CDK15: variants seen among roughly 807,000 people sequenced by gnomAD.
CDK15 encodes the protein cyclin-dependent kinase 15.
Under a neutral mutation model 60.3 loss-of-function variants are expected in CDK15, and 62 were observed. That is an observed-to-expected ratio of 1.03 (90% CI 0.84 to 1.27). The LOEUF (loss-of-function observed/expected upper bound fraction) is 1.27, where lower values mean the gene tolerates loss of function less well. Among genes scored for constraint, CDK15 ranks in the 50% most tolerant of loss-of-function variants. The pLI is 0.00. For missense variants in CDK15, 541 were observed against 527.8 expected (o/e 1.03, Z -0.25); for synonymous variants, 194 against 195.7 (o/e 0.99, Z 0.07).
intron 10 of CDK15, among the ~76,000 whole-genome samples, chr2:201,859,956 G>A (rs896284384): frequency 1.3e-5 from 2 of 152,146 alleles, no homozygotes; most frequent in Non-Finnish European, 2.9e-5. Flanking sequence ...TCCTCTGGAG[G>A]TTGTCCAGTC....
At chr2:201,828,987 G>T (rs765393179) in intron 6 of CDK15, among the ~76,000 whole-genome samples, 3 of 152,250 alleles carry the variant, frequency 2.0e-5, no homozygotes, top group Middle Eastern at 6.8e-3. Context: ...ACATCACTTT[G>T]GAGATTCTAA....
At chr2:201,850,083 A>G (rs1378930694) in intron 9 of CDK15, among the ~76,000 whole-genome samples, 3 of 152,192 alleles carry the variant, frequency 2.0e-5, no homozygotes, top group African/African-American at 7.2e-5. Flanking sequence ...TTGGCCTCCC[A>G]AAGTGGTGGG....
chr2:201,890,863 A>G lies in CDK15; in HGVS notation c.1277A>G (p.His426Arg). ...CDLLASYQKG[H>R]HPAQFSKCW ...CTTTTGGCCTCCTACCAGAAAGGTC[A>G]CCACCCAGCCCAGTTTAGCAAATGC... Residue 426 changes from histidine (H) to arginine (R), a missense_variant, in exon 13 of 14, where the codon CAC becomes CGC. Transcript: ENST00000652192. The G allele has an allele frequency of 1.2e-6, 2 of 1,613,816 alleles. No homozygotes were observed. The highest frequency in any genetic ancestry group is 1.7e-6 in the Non-Finnish European group (2 of 1,179,822).
chr2:201,851,450 C>T (rs1697905307), intron 9 of CDK15, among the ~76,000 whole-genome samples: 2 of 152,068 alleles, frequency 1.3e-5, no homozygotes, highest in South Asian at 2.1e-4. Context: ...AGGGCAAATG[C>T]TGTGTCCTTA....
chr2:201,807,393 T>A (rs1323038425), intron 1 of CDK15, 101 bp from the exon 2 acceptor site: 2 of 1,263,802 alleles, frequency 1.6e-6, no homozygotes, highest in African/African-American at 1.5e-5. Flanking sequence ...TAGAAAACAT[T>A]TGAAGAGTGA....
At chr2:201,871,884 C>A (rs943417481) in intron 10 of CDK15, among the ~76,000 whole-genome samples, 3 of 151,994 alleles carry the variant, frequency 2.0e-5, no homozygotes, top group Admixed American at 6.6e-5. Context: ...CTTCGCCTCA[C>A]CTTCTCTGAC....
At chr2:201,816,555 G>A (rs1193960166) in intron 4 of CDK15, among the ~76,000 whole-genome samples, 5 of 146,452 alleles carry the variant, frequency 3.4e-5, no homozygotes, top group Non-Finnish European at 7.4e-5. Context: ...CACCTAGGTT[G>A]AGTCCATGTC....
At position 201,850,350 on chromosome 2, in the gene CDK15, G is replaced by A. The variant is rs190126860; in HGVS notation, c.945+2876G>A. 2.4e-3 allele frequency among the ~76,000 whole-genome samples: 361 copies of A among 152,132 alleles called. 1 individual carries two copies. Among genetic ancestry groups the A allele is most frequent in the Non-Finnish European group, 3.9e-3 (264 of 67,998 alleles). On this transcript the variant is annotated intron_variant, in intron 9 of 13. Coordinates refer to ENST00000652192, the MANE Select transcript of CDK15 (RefSeq NM_001366386.2). Reference sequence around the variant, plus strand: ...ACAATTTAAAAAGCAATCATTTTACGGTTCTTTAGTGTTCAGTTAGCACAG... The same window carrying A: ...ACAATTTAAAAAGCAATCATTTTACAGTTCTTTAGTGTTCAGTTAGCACAG...
rs116154564 is a variant in CDK15 at position 201,847,478 on chromosome 2, G to A, written c.945+4G>A. On this transcript the variant is annotated splice_donor_region_variant and intron_variant, in intron 9 of 13. Transcript: ENST00000652192. The stretch of plus-strand genomic sequence containing the variant: ...ACAGCTGGAGAAAATCTGGGAGGTA[G>A]GAGAATAATTCTTCTAAAGAAAATG... 944 of 1,611,948 alleles carry A rather than the reference G, an allele frequency of 5.9e-4. 10 individuals carry two copies. In the African/African-American group the frequency reaches 0.012, roughly 20 times the overall value.
intron 4 of CDK15, among the ~76,000 whole-genome samples, chr2:201,812,819 G>C (rs1695832189): frequency 6.6e-6 from 1 of 152,178 alleles, no homozygotes; most frequent in Admixed American, 6.5e-5. Flanking sequence ...TACTTTCCAT[G>C]TGTTTGGCCT....
intron 12 of CDK15, among the ~76,000 whole-genome samples, chr2:201,887,354 A>AG (rs1420644382): frequency 6.6e-6 from 1 of 152,210 alleles, no homozygotes; most frequent in Non-Finnish European, 1.5e-5. Flanking sequence ...ATTCTAGTTT[A>AG]GGGGGGTTGT....
At chr2:201,858,941 C>G (rs1427345095) in intron 10 of CDK15, among the ~76,000 whole-genome samples, 3 of 152,190 alleles carry the variant, frequency 2.0e-5, no homozygotes, top group Non-Finnish European at 4.4e-5. Flanking sequence ...ACTCACCCTC[C>G]TCCGGCAGCA....
rs544275406 is a variant in CDK15 at position 201,808,070 on chromosome 2, C to G, written c.368+118C>G. 5.4e-6 allele frequency: 4 copies of G among 746,294 alleles called. No homozygotes were observed. The South Asian group carries it at 9.2e-5, about 17-fold the overall frequency. The allele number at this position is 746,294 out of a possible 1,614,324, so 46.2% of individuals were successfully genotyped here. ...CATAGCACTCAGGACCTGTGCAAGA[C>G]ACCATGGCCGACAGGGAGAGAGACA... On this transcript the variant is annotated intron_variant, in intron 3 of 13. Coordinates refer to ENST00000652192, the MANE Select transcript of CDK15 (RefSeq NM_001366386.2).
chr2:201,864,132 G>A (rs1340336937), intron 10 of CDK15, among the ~76,000 whole-genome samples: 1 of 152,096 alleles, frequency 6.6e-6, no homozygotes, highest in Admixed American at 6.5e-5. Context: ...CAGGAATATA[G>A]TCTAGAGGGG....
rs1190185365 is a variant in CDK15, at chr2:201,836,178, TATATATA to T, written c.851+416_851+422del. On this transcript the variant is annotated intron_variant, in intron 8 of 13. Coordinates refer to ENST00000652192, the MANE Select transcript of CDK15 (RefSeq NM_001366386.2). ...TTTATATATTTATATATTTATATAT[TATATATA>T]TTTTTTTATATATATATATATGTAT... Among the ~76,000 whole-genome samples, 83 of 91,260 alleles carry T rather than the reference TATATATA, an allele frequency of 9.1e-4. 1 individual carries two copies. Among genetic ancestry groups the T allele is most frequent in the Non-Finnish European group, 1.1e-3 (52 of 45,844 alleles). The allele number at this position is 91,260 out of a possible 152,430, so 59.9% of individuals were successfully genotyped here.
intron 10 of CDK15, chr2:201,861,429 C>A (rs1698386338): frequency 1.0e-6 from 1 of 985,260 alleles, no homozygotes; most frequent in Non-Finnish European, 1.2e-6. Context: ...CATGTTGTAT[C>A]CCTCTGTCTC....
chr2:201,880,125 T>C lies in CDK15; in HGVS notation c.1156T>C (p.Tyr386His). The C allele has an allele frequency of 6.2e-7, 1 of 1,614,028 alleles. No individual in the cohort carries two copies. Among genetic ancestry groups the C allele is most frequent in the Non-Finnish European group, 8.5e-7 (1 of 1,180,002 alleles). The part of the protein sequence containing the change: ...VSAQEALVHD[Y>H]FSALPSQLYQ... Reference sequence around the variant, plus strand: ...CGCCCAGGAAGCACTTGTTCATGATTATTTCAGCGCCCTGCCATCTCAGCT... The same window carrying C: ...CGCCCAGGAAGCACTTGTTCATGATCATTTCAGCGCCCTGCCATCTCAGCT... The change falls in exon 12 of 14, where the codon TAT becomes CAT. Residue 386 changes from tyrosine to histidine, a missense_variant. Coordinates refer to ENST00000652192, the MANE Select transcript of CDK15 (RefSeq NM_001366386.2).
intron 6 of CDK15, chr2:201,824,902 T>C (rs1696398733): frequency 6.2e-6 from 3 of 482,874 alleles, no homozygotes; most frequent in Admixed American, 4.6e-5. Flanking sequence ...TCATTTTCCA[T>C]AGTAGTAAAT....
intron 12 of CDK15, among the ~76,000 whole-genome samples, chr2:201,890,496 A>G (rs1452298014): frequency 2.0e-5 from 3 of 152,106 alleles, no homozygotes; most frequent in African/African-American, 4.8e-5. Context: ...CCTTCTTTGT[A>G]TGTGTATGTG....
Sources: gnomAD v4.1 joint callset for allele counts (sites outside exome capture counted in the v4.1 genomes callset) on GRCh38, gnomAD v4.1.1 for gene constraint, MANE v1.5 for transcripts, NCBI Gene and HGNC (gene_info 2026-07-23, HGNC 2026-07-21) for gene names.